CRB2: variants seen among roughly 807,000 people sequenced by gnomAD.
CRB2 encodes crumbs cell polarity complex component 2.
A neutral mutation model predicts 110.9 loss-of-function variants in CRB2; 85 were observed. That is an observed-to-expected ratio of 0.77 (90% confidence interval 0.64 to 0.92). CRB2 has a LOEUF of 0.92. Ranked by LOEUF, CRB2 falls within the 40% of genes least tolerant of loss-of-function variation. The pLI is 0.00. For missense variants in CRB2, 1,843 were observed against 1,851.3 expected, an observed-to-expected ratio of 1.00 and a Z score of 0.08; for synonymous variants, 907 against 831.0, an observed-to-expected ratio of 1.09 and a Z score of -1.57.
Position 123,363,039 on chromosome 9 carries a change from C to A in CRB2, c.269C>A (p.Thr90Asn), listed in dbSNP as rs2808415. 1 allele frequency: 1,611,645 copies of A among 1,612,296 alleles called. 805,500 individuals are homozygous for A. Among genetic ancestry groups the A allele is most frequent in the Middle Eastern group, 1 (6,062 of 6,062 alleles). Residue 90 changes from threonine to asparagine, a missense_variant, in exon 2 of 13, where the codon ACC becomes AAC. By Grantham distance (65) the Thr-to-Asn change is moderately conservative. Coordinates refer to ENST00000373631, the MANE Select transcript of CRB2 (RefSeq NM_173689.7). ...TGTGTGCCCCAGGGTCCAGATCCCA[C>A]CGGCTTCCGCTGCTACTGCGTGCCG... ...ALCVPQGPDP[T>N]GFRCYCVPGF...
rs1257017593 is a variant in CRB2, at chr9:123,371,138, C to T, written c.1996C>T (p.Pro666Ser). 6.2e-7 allele frequency: 1 copy of T among 1,613,600 alleles called. No individual in the cohort carries two copies. The highest frequency in any genetic ancestry group is 8.5e-7 in the Non-Finnish European group (1 of 1,180,026). ...SSASFLLQEL[P>S]GPNLTVSFLL... Reference sequence around the variant, plus strand: ...TGCCTCCTTTCTGCTCCAAGAGCTGCCAGGTCCCAACCTCACAGTGTCTTT... The same window carrying T: ...TGCCTCCTTTCTGCTCCAAGAGCTGTCAGGTCCCAACCTCACAGTGTCTTT... Residue 666 changes from proline (P) to serine (S), a missense_variant, in exon 8 of 13, where the codon CCA (proline) becomes TCA (serine). Coordinates refer to ENST00000373631, the MANE Select transcript of CRB2 (RefSeq NM_173689.7).
intron 9 of CRB2, among the ~76,000 whole-genome samples, chr9:123,372,890 C>T (rs551393308): frequency 5.9e-5 from 9 of 152,212 alleles, no homozygotes; most frequent in Non-Finnish European, 1.2e-4. Flanking sequence ...CCTGGAGGGT[C>T]GCCTAGGCAT....
At chr9:123,368,295 G>A (rs1564372714) in intron 6 of CRB2, among the ~76,000 whole-genome samples, 1 of 152,120 alleles carries the variant, frequency 6.6e-6, no homozygotes, top group Non-Finnish European at 1.5e-5. Context: ...AGAGATGGTG[G>A]TCACCTCTTC....
intron 9 of CRB2, 40 bp downstream of exon 9, chr9:123,372,382 G>A: frequency 6.4e-7 from 1 of 1,555,570 alleles, no homozygotes; most frequent in South Asian, 1.2e-5. Context: ...CTGGGTGCTG[G>A]ACACCTAAGC....
chr9:123,363,319 T>C (rs1451605905), intron 2 of CRB2, 131 bp downstream of exon 2: 7 of 947,656 alleles, frequency 7.4e-6, no homozygotes, highest in Non-Finnish European at 1.1e-5. Flanking sequence ...AGCTCTAGGG[T>C]ATATCCACTT....
At chr9:123,372,957 T>C (rs549017727) in intron 9 of CRB2, among the ~76,000 whole-genome samples, 177 bp from the exon 10 acceptor site, 4 of 152,108 alleles carry the variant, frequency 2.6e-5, no homozygotes, top group South Asian at 2.1e-4. Context: ...AGGAAATACA[T>C]TGGGAGTAGA....
In CRB2 at chr9:123,370,876, A is replaced by G; in HGVS notation, c.1823A>G (p.Gln608Arg). ...NVLLGCERRE[Q>R]CRPLPCVHGG... ...CTCCTGGGCTGTGAGCGCCGAGAGC[A>G]GTGCCGGCCTCTGCCTTGTGTCCAC... is the stretch of plus-strand genomic sequence containing the variant. The change falls in exon 7 of 13, where the codon CAG (glutamine) becomes CGG (arginine). Residue 608 changes from glutamine to arginine, a missense_variant. By Grantham distance (43) the Gln-to-Arg change is conservative (BLOSUM62 1). Transcript: ENST00000373631. 3 of 1,611,602 alleles carry G rather than the reference A, an allele frequency of 1.9e-6. No individual in the cohort carries two copies. The highest frequency in any genetic ancestry group is 1.7e-6 in the Non-Finnish European group (2 of 1,180,006).
chr9:123,356,446 G>C, intron 1 of CRB2, 92 bp downstream of exon 1: 1 of 1,041,732 alleles, frequency 9.6e-7, no homozygotes, highest in African/African-American at 1.6e-5. Flanking sequence ...TGGTGGGTGG[G>C]CTGGTCCGCG....
chr9:123,362,796 A>G, intron 1 of CRB2, 69 bp from the exon 2 acceptor site: 3 of 1,463,928 alleles, frequency 2.0e-6, no homozygotes, highest in Non-Finnish European at 2.8e-6. Flanking sequence ...GGTGGGCCTG[A>G]GAGGGTGGGG....
At position 123,367,559 on chromosome 9, in the gene CRB2, TGG is replaced by T. The variant is rs1445601594; in HGVS notation, c.941-12_941-11del. 7 of 1,546,008 alleles carry T rather than the reference TGG, an allele frequency of 4.5e-6. No individual in the cohort carries two copies. In the Admixed American group the frequency reaches 9.8e-5, roughly 22 times the overall value. On this transcript the variant is annotated splice_polypyrimidine_tract_variant and intron_variant, in intron 5 of 12. Coordinates refer to ENST00000373631, the MANE Select transcript of CRB2 (RefSeq NM_173689.7). ...TGAGGGTGCAGGTGGGACCCACAGC[TGG>T]GCCTCTTACAGGAGCCGACTGCGGT...
Position 123,370,615 on chromosome 9 carries a change from A to G in CRB2, c.1562A>G (p.Gln521Arg). Residue 521 changes from glutamine (Q) to arginine (R), a missense_variant, in exon 7 of 13, where the codon CAG becomes CGG. Transcript: ENST00000373631. ...DLALNDGHWHQVEVVLHLATL... is the reference protein window; with the variant it reads ...DLALNDGHWHRVEVVLHLATL... ...GCCCTAAACGATGGCCATTGGCACC[A>G]GGTGGAGGTTGTGCTCCATCTAGCG... The G allele has an allele frequency of 6.2e-7, 1 of 1,612,172 alleles. No homozygotes were observed. Among genetic ancestry groups the G allele is most frequent in the Non-Finnish European group, 8.5e-7 (1 of 1,180,014 alleles).
Position 123,375,275 on chromosome 9 carries a change from C to CG in CRB2, c.3568dup (p.Ala1190GlyfsTer7), listed in dbSNP as rs775080664. On this transcript the variant is annotated frameshift_variant, in exon 12 of 13. Coordinates refer to ENST00000373631, the MANE Select transcript of CRB2 (RefSeq NM_173689.7). LOFTEE classifies it high-confidence loss of function. ...CCCCTGCTTGAATGGGGGCACCTGC[C>CG]GGGCAGCTGGAGGGGTGTCTGAATG... 2 of 1,611,972 alleles carry CG rather than the reference C, an allele frequency of 1.2e-6. No individual in the cohort carries two copies. The highest frequency in any genetic ancestry group is 2.2e-5 in the East Asian group (1 of 44,788).
chr9:123,368,731 C>T (rs928926056), intron 6 of CRB2: 34 of 1,077,398 alleles, frequency 3.2e-5, no homozygotes, highest in Middle Eastern at 4.4e-4. Flanking sequence ...TTTGCCCATC[C>T]TCCCTCCCTT....
intron 1 of CRB2, among the ~76,000 whole-genome samples, chr9:123,362,346 T>TTGGA (rs1351100170): frequency 6.6e-6 from 1 of 151,966 alleles, no homozygotes; most frequent in South Asian, 2.1e-4. Flanking sequence ...TGGGGCCTCC[T>TTGGA]TGGATGGATG....
intron 8 of CRB2, among the ~76,000 whole-genome samples, chr9:123,371,934 A>G (rs1008348617): frequency 2.6e-5 from 4 of 152,158 alleles, no homozygotes; most frequent in Non-Finnish European, 2.9e-5. Context: ...GAGTTAGAAC[A>G]GCTTGGGCAT....
rs926534656 is a variant in CRB2, at chr9:123,374,130, G to T, written c.3389+210G>T. 7 of 788,448 alleles carry T rather than the reference G, an allele frequency of 8.9e-6. No homozygotes were observed. The African/African-American group carries it at 1.2e-4, about 14-fold the overall frequency. The allele number at this position is 788,448 out of a possible 1,614,324, so 48.8% of individuals were successfully genotyped here. On this transcript the variant is annotated intron_variant, in intron 10 of 12. Coordinates refer to ENST00000373631, the MANE Select transcript of CRB2 (RefSeq NM_173689.7). ...GTTAGCCTGGAATTTCAGATAAACAGCGCTGTGGTCTGGGGCTGGGAGCCG... is the reference window on the plus strand; with the variant it reads ...GTTAGCCTGGAATTTCAGATAAACATCGCTGTGGTCTGGGGCTGGGAGCCG...
At chr9:123,373,005 A>T in intron 9 of CRB2, 129 bp from the exon 10 acceptor site, 3 of 707,100 alleles carry the variant, frequency 4.2e-6, no homozygotes, top group Non-Finnish European at 6.5e-6. Context: ...TTCCAGGATT[A>T]GATGATAGGT....
intron 11 of CRB2, among the ~76,000 whole-genome samples, chr9:123,374,974 C>T (rs912589286): frequency 2.0e-5 from 3 of 152,226 alleles, no homozygotes; most frequent in Non-Finnish European, 2.9e-5. Flanking sequence ...CAGACAGTGG[C>T]GTCAGCGTCT....
chr9:123,373,460 C>T lies in CRB2; in HGVS notation c.2929C>T (p.Leu977=). The stretch of plus-strand genomic sequence containing the variant: ...CACCACCTCGCGCTGGCTGCTGTGG[C>T]TGGATGGTGCCGCCACCCCGGTGGC... ...AATTSRWLLW[L]DGAATPVALR... is the part of the protein sequence containing the mutation. The change falls in exon 10 of 13, where the codon CTG becomes TTG. Residue 977 remains leucine (L), a synonymous_variant. Coordinates refer to ENST00000373631, the MANE Select transcript of CRB2 (RefSeq NM_173689.7). 1 of 1,455,160 alleles carries T rather than the reference C, an allele frequency of 6.9e-7. No homozygotes were observed. The highest frequency in any genetic ancestry group is 9.0e-7 in the Non-Finnish European group (1 of 1,111,112). 90.1% of individuals were successfully genotyped at this position (1,455,160 alleles called of 1,614,324 possible).
Sources: gnomAD v4.1 joint callset for allele counts (sites outside exome capture counted in the v4.1 genomes callset) on GRCh38, gnomAD v4.1.1 for gene constraint, MANE v1.5 for transcripts, NCBI Gene and HGNC (gene_info 2026-07-23, HGNC 2026-07-21) for gene names.